The following INPP5D variants were observed in gnomAD, a reference collection of about 807,000 sequenced individuals.
INPP5D encodes the protein phosphatidylinositol 3,4,5-trisphosphate 5-phosphatase 1.
In INPP5D, 33 loss-of-function variants were observed where a neutral mutation model predicts 122.9. The ratio of observed to expected loss-of-function variants is 0.27; its 90% confidence interval spans 0.20 to 0.36. The LOEUF is 0.36. INPP5D is among the 10% of genes least tolerant of loss of function. The probability of loss-of-function intolerance (pLI) is 1.00; values close to 1 mark genes in which losing one functional copy is unlikely to be tolerated. For missense variants in INPP5D, 1,053 were observed against 1,412.7 expected (o/e 0.75, Z 4.08); for synonymous variants, 584 against 576.2 (o/e 1.01, Z -0.19).
intron 2 of INPP5D, among the ~76,000 whole-genome samples, chr2:233,120,088 T>C (rs1410113539): frequency 6.6e-6 from 1 of 152,190 alleles, no homozygotes; most frequent in Non-Finnish European, 1.5e-5. Flanking sequence ...AGGCGATGGG[T>C]CCCATTCCCT....
intron 25 of INPP5D, among the ~76,000 whole-genome samples, chr2:233,202,697 C>T (rs1358296273): frequency 6.6e-6 from 1 of 152,226 alleles, no homozygotes; most frequent in African/African-American, 2.4e-5. Flanking sequence ...AAAGCAGAAC[C>T]CAGAACACTC....
At chr2:233,084,155 G>A (rs1691766898) in intron 2 of INPP5D, among the ~76,000 whole-genome samples, 1 of 152,198 alleles carries the variant, frequency 6.6e-6, no homozygotes. Context: ...CCAGGCTCAA[G>A]CAATTCTCCC....
At position 233,128,064 on chromosome 2, in the gene INPP5D, C is replaced by T. The variant is rs184581741; in HGVS notation, c.524+2145C>T. Among the ~76,000 whole-genome samples the T allele has an allele frequency of 2.0e-5, 3 of 152,286 alleles. No homozygotes were observed. The highest frequency in any genetic ancestry group is 1.3e-4 in the Admixed American group (2 of 15,286). The stretch of plus-strand genomic sequence containing the variant: ...GAACTGGGTGGCAGCAGGAGGTGAG[C>T]GGAGGGCAAGCGAGCATTACCACCT... On this transcript the variant is annotated intron_variant, in intron 4 of 26. Coordinates refer to ENST00000445964, the MANE Select transcript of INPP5D (RefSeq NM_001017915.3). The surrounding 1 kb of genome is among the most constrained non-coding windows in gnomAD (Gnocchi z 4.5).
intron 5 of INPP5D, among the ~76,000 whole-genome samples, chr2:233,139,350 C>A (rs1355288566): frequency 1.3e-5 from 2 of 152,152 alleles, no homozygotes; most frequent in African/African-American, 4.8e-5. Flanking sequence ...ATTTGGGCTG[C>A]TAGGAGGGGA....
chr2:233,152,900 A>T (rs1693956313), intron 9 of INPP5D, among the ~76,000 whole-genome samples: 1 of 152,086 alleles, frequency 6.6e-6, no homozygotes, highest in African/African-American at 2.4e-5. Flanking sequence ...CAAAAAGATA[A>T]CTCTGGCTGC....
chr2:233,061,523 C>G (rs1453825441), intron 1 of INPP5D, among the ~76,000 whole-genome samples: 3 of 152,086 alleles, frequency 2.0e-5, no homozygotes, highest in African/African-American at 7.2e-5. Flanking sequence ...AGTAGCATCC[C>G]TGGGCTGGCA....
At chr2:233,079,876 G>GC (rs1445312204) in intron 2 of INPP5D, among the ~76,000 whole-genome samples, 1 of 152,212 alleles carries the variant, frequency 6.6e-6, no homozygotes, top group African/African-American at 2.4e-5. Context: ...GGTGCTCACT[G>GC]CATCTGATTT....
intron 5 of INPP5D, among the ~76,000 whole-genome samples, chr2:233,135,277 C>T (rs932577933): frequency 1.3e-5 from 2 of 151,008 alleles, no homozygotes; most frequent in African/African-American, 2.4e-5. Flanking sequence ...GCTTATCCAT[C>T]CTTGAACTCC....
chr2:233,182,613 G>A (rs544542353), intron 19 of INPP5D, 114 bp downstream of exon 19: 3 of 1,486,252 alleles, frequency 2.0e-6, no homozygotes, highest in Non-Finnish European at 2.7e-6. Context: ...ATTTTCCCAG[G>A]CAAGTCCACA....
At chr2:233,138,912 ATT>A (rs759201099) in intron 5 of INPP5D, among the ~76,000 whole-genome samples, 5 of 140,402 alleles carry the variant, frequency 3.6e-5, no homozygotes, top group Admixed American at 7.2e-5. Context: ...CACCTGGCTA[ATT>A]TTTTTTTTTT....
chr2:233,104,555 G>A (rs539115966), intron 2 of INPP5D, among the ~76,000 whole-genome samples: 1 of 152,180 alleles, frequency 6.6e-6, no homozygotes, highest in East Asian at 1.9e-4. Flanking sequence ...CTGAAGCCAT[G>A]GGGGGTAGGC....
chr2:233,122,431 C>T (rs1172357464), intron 3 of INPP5D, among the ~76,000 whole-genome samples, 174 bp downstream of exon 3: 2 of 152,198 alleles, frequency 1.3e-5, no homozygotes, highest in East Asian at 1.9e-4. Flanking sequence ...GTTAAAATTC[C>T]TCCTCCCCAG....
intron 11 of INPP5D, among the ~76,000 whole-genome samples, chr2:233,163,421 C>A (rs1450150384): frequency 6.6e-6 from 1 of 152,166 alleles, no homozygotes; most frequent in Non-Finnish European, 1.5e-5. Flanking sequence ...ATTATCGTAG[C>A]CTCAAAGTGC....
At chr2:233,130,677 G>A (rs371018842) in intron 5 of INPP5D, 29 bp downstream of exon 5, 1 of 1,613,036 alleles carries the variant, frequency 6.2e-7, no homozygotes, top group East Asian at 2.2e-5. Flanking sequence ...GGGCGGGCAG[G>A]TGGGGGCGGC....
intron 9 of INPP5D, among the ~76,000 whole-genome samples, chr2:233,148,129 C>T (rs1693818295): frequency 1.3e-5 from 2 of 152,242 alleles, no homozygotes; most frequent in South Asian, 2.1e-4. Flanking sequence ...AAAATGGAAG[C>T]TCTTCACACA....
Position 233,105,604 on chromosome 2 carries a change from C to CG in INPP5D, c.199-16497dup, listed in dbSNP as rs1559294084. On this transcript the variant is annotated intron_variant, in intron 2 of 26. Transcript: ENST00000445964. The surrounding 1 kb of genome is among the most constrained non-coding windows in gnomAD (Gnocchi z 4.0). ...TGGTCCCTGATGCCGGGGGCTGAGC[C>CG]GGGGGGAAGAGAGCCAGAGGGGAAG... Among the ~76,000 whole-genome samples the CG allele has an allele frequency of 2.0e-5, 3 of 152,002 alleles. No homozygotes were observed. Among genetic ancestry groups the CG allele is most frequent in the African/African-American group, 7.3e-5 (3 of 41,358 alleles).
At chr2:233,168,282 G>A (rs1442134312) in intron 13 of INPP5D, among the ~76,000 whole-genome samples, 1 of 152,096 alleles carries the variant, frequency 6.6e-6, no homozygotes, top group Non-Finnish European at 1.5e-5. Context: ...TCTTACCAAG[G>A]CCACAATTCC....
chr2:233,152,989 C>G (rs958547412), intron 9 of INPP5D, among the ~76,000 whole-genome samples: 3 of 152,132 alleles, frequency 2.0e-5, no homozygotes, highest in African/African-American at 7.2e-5. Context: ...AGCAGTCAGG[C>G]AAGAGGCGGT....
At position 233,164,523 on chromosome 2, in the gene INPP5D, CAGAG is replaced by C. The variant is rs776588766; in HGVS notation, c.1555+102_1555+105del. On this transcript the variant is annotated intron_variant, in intron 13 of 26. Coordinates refer to ENST00000445964, the MANE Select transcript of INPP5D (RefSeq NM_001017915.3). The surrounding 1 kb of genome is among the most constrained non-coding windows in gnomAD (Gnocchi z 4.3). ...CACCAGTAGTTCCCCGGGTTAAAAACAGAGAGCCTCACATCCTCAGATCCTGGCT... is the reference window on the plus strand; with the variant it reads ...CACCAGTAGTTCCCCGGGTTAAAAACAGCCTCACATCCTCAGATCCTGGCT... 1 of 1,397,494 alleles carries C rather than the reference CAGAG, an allele frequency of 7.2e-7. No individual in the cohort carries two copies. The highest frequency in any genetic ancestry group is 1.4e-5 in the African/African-American group (1 of 69,838). The allele number at this position is 1,397,494 out of a possible 1,614,324, so 86.6% of individuals were successfully genotyped here. A position where few individuals can be genotyped will look rare whatever the true frequency, so the allele number is the denominator to read the frequency against.
Sources: gnomAD v4.1 joint callset for allele counts (sites outside exome capture counted in the v4.1 genomes callset) on GRCh38, gnomAD v4.1.1 for gene constraint, Gnocchi (gnomAD v3.1) non-coding constraint, MANE v1.5 for transcripts, NCBI Gene and HGNC (gene_info 2026-07-23, HGNC 2026-07-21) for gene names.